The following SLCO6A1 variants were observed in gnomAD, a reference collection of about 807,000 sequenced individuals.
The protein encoded by SLCO6A1 is solute carrier organic anion transporter family member 6A1.
A neutral mutation model predicts 72.7 loss-of-function variants in SLCO6A1; 65 were observed. The ratio of observed to expected loss-of-function variants is 0.89; its 90% CI spans 0.73 to 1.10. SLCO6A1 has a LOEUF of 1.10. SLCO6A1 is among the 50% of genes least tolerant of loss of function. SLCO6A1 has a pLI of 0.00. For missense variants in SLCO6A1, 874 were observed against 872.6 expected, an observed-to-expected ratio of 1.00 and a Z score of -0.02; for synonymous variants, 314 against 298.2, an observed-to-expected ratio of 1.05 and a Z score of -0.55.
At chr5:102,491,628 C>T (rs1033853302) in intron 1 of SLCO6A1, among the ~76,000 whole-genome samples, 17 of 152,248 alleles carry the variant, frequency 1.1e-4, no homozygotes, top group African/African-American at 3.1e-4. Flanking sequence ...GCGGGTGGCC[C>T]GGTGGCTCCG....
chr5:102,446,174 T>G (rs1364979616), intron 6 of SLCO6A1, among the ~76,000 whole-genome samples: 1 of 152,236 alleles, frequency 6.6e-6, no homozygotes, highest in South Asian at 2.1e-4. Flanking sequence ...AATGGCCATT[T>G]TAACTATATT....
chr5:102,482,659 G>A (rs1752270135), intron 1 of SLCO6A1, among the ~76,000 whole-genome samples: 1 of 152,136 alleles, frequency 6.6e-6, no homozygotes, highest in Non-Finnish European at 1.5e-5. Context: ...TGAATTACAT[G>A]AACATGAACC....
intron 1 of SLCO6A1, among the ~76,000 whole-genome samples, chr5:102,495,130 C>T (rs1752849925): frequency 6.8e-6 from 1 of 147,388 alleles, no homozygotes; most frequent in Non-Finnish European, 1.5e-5. Flanking sequence ...TTAAAAGAAG[C>T]CAGAAACAAA....
intron 9 of SLCO6A1, among the ~76,000 whole-genome samples, chr5:102,407,577 T>G (rs899145286): frequency 7.9e-5 from 12 of 152,306 alleles, no homozygotes; most frequent in African/African-American, 2.4e-5. Context: ...CATAGTTTAC[T>G]TTAAGAAAGA....
At chr5:102,438,167 T>A (rs1199079948) in intron 7 of SLCO6A1, among the ~76,000 whole-genome samples, 1 of 151,748 alleles carries the variant, frequency 6.6e-6, no homozygotes, top group Admixed American at 6.6e-5. Context: ...TAAAATAGGA[T>A]CATAAAATAA....
At chr5:102,394,582 T>C (rs975787636) in intron 10 of SLCO6A1, among the ~76,000 whole-genome samples, 1 of 152,008 alleles carries the variant, frequency 6.6e-6, no homozygotes, top group Non-Finnish European at 1.5e-5. Context: ...TGAGAAGGAA[T>C]AGATTGGTTG....
chr5:102,389,653 A>G (rs1561420903), intron 11 of SLCO6A1, among the ~76,000 whole-genome samples: 1 of 152,088 alleles, frequency 6.6e-6, no homozygotes, highest in South Asian at 2.1e-4. Context: ...AGTTTAAAAA[A>G]CAATTGACTA....
chr5:102,424,248 A>G (rs4413509), intron 7 of SLCO6A1, among the ~76,000 whole-genome samples: 96,987 of 151,832 alleles, frequency 0.64, 31,169 homozygotes, highest in African/African-American at 0.66. Flanking sequence ...AAAAGCTAGC[A>G]GAAGACAAGA....
At chr5:102,464,240 G>A (rs1357215803) in intron 4 of SLCO6A1, among the ~76,000 whole-genome samples, 4 of 151,778 alleles carry the variant, frequency 2.6e-5, no homozygotes, top group South Asian at 2.1e-4. Context: ...CAAAGTTTAC[G>A]GAAAGAAAAA....
At chr5:102,393,082 T>C (rs1487610245) in intron 10 of SLCO6A1, among the ~76,000 whole-genome samples, 3 of 152,156 alleles carry the variant, frequency 2.0e-5, no homozygotes, top group Non-Finnish European at 4.4e-5. Context: ...CATATCTCTT[T>C]TTTTATCTCT....
At position 102,411,169 on chromosome 5, in the gene SLCO6A1, A is replaced by G. The variant is rs117824541; in HGVS notation, c.1626+1821T>C. ...TCAACTTTGCTATGGCAAGAGGTAG[A>G]TAAGAGTTCCCCACTGCTTTAAAAC... On this transcript the variant is annotated intron_variant, in intron 9 of 13. Coordinates refer to ENST00000506729, the MANE Select transcript of SLCO6A1 (RefSeq NM_173488.5). Among the ~76,000 whole-genome samples the G allele has an allele frequency of 1.2e-4, 19 of 152,256 alleles. No individual in the cohort carries two copies. In the East Asian group the frequency reaches 3.5e-3, roughly 28 times the overall value.
At chr5:102,449,873 T>G (rs1227567379) in intron 6 of SLCO6A1, among the ~76,000 whole-genome samples, 1 of 152,354 alleles carries the variant, frequency 6.6e-6, no homozygotes, top group East Asian at 1.9e-4. Context: ...TTTATTTTTG[T>G]CTGAGTTAAT....
At chr5:102,438,802 TTAGA>T (rs373799313) in intron 6 of SLCO6A1, 41 bp from the exon 7 acceptor site, 5 of 1,386,000 alleles carry the variant, frequency 3.6e-6, no homozygotes, top group African/African-American at 1.5e-5. Flanking sequence ...TTTTATTTTG[TTAGA>T]TAAAGAGGAA....
intron 12 of SLCO6A1, among the ~76,000 whole-genome samples, chr5:102,378,371 TA>T (rs1412390136): frequency 6.6e-6 from 1 of 152,104 alleles, no homozygotes; most frequent in East Asian, 1.9e-4. Flanking sequence ...GAGCTCAAGC[TA>T]TCTGCCCAAC....
At position 102,372,682 on chromosome 5, in the gene SLCO6A1, TA is replaced by T. The variant is rs1225479690; in HGVS notation, c.*16-560del. Among the ~76,000 whole-genome samples, 561 of 138,110 alleles carry T rather than the reference TA, an allele frequency of 4.1e-3. 4 individuals are homozygous for T. The highest frequency in any genetic ancestry group is 0.01 in the African/African-American group (387 of 37,962). The allele number at this position is 138,110 out of a possible 152,430, so 90.6% of individuals were successfully genotyped here. ...TTTATCAATAAAATCCAAGTGAAGGTAAAAAAAAAAAGGAAAAAGGTAACAA... is the reference window on the plus strand; with the variant it reads ...TTTATCAATAAAATCCAAGTGAAGGTAAAAAAAAAAGGAAAAAGGTAACAA... On this transcript the variant is annotated intron_variant, in intron 13 of 13. Coordinates refer to ENST00000506729, the MANE Select transcript of SLCO6A1 (RefSeq NM_173488.5).
chr5:102,429,392 G>C (rs535754497), intron 7 of SLCO6A1, among the ~76,000 whole-genome samples: 9 of 152,292 alleles, frequency 5.9e-5, no homozygotes, highest in African/African-American at 2.2e-4. Flanking sequence ...CCTATGTGCA[G>C]AATGGTATTC....
At chr5:102,430,285 T>C (rs1749142738) in intron 7 of SLCO6A1, among the ~76,000 whole-genome samples, 1 of 152,184 alleles carries the variant, frequency 6.6e-6, no homozygotes, top group Non-Finnish European at 1.5e-5. Flanking sequence ...TTTATGTAGA[T>C]GCCCTTCATT....
At chr5:102,486,263 A>G (rs1311003793) in intron 1 of SLCO6A1, among the ~76,000 whole-genome samples, 1 of 152,188 alleles carries the variant, frequency 6.6e-6, no homozygotes, top group African/African-American at 2.4e-5. Context: ...TTTCTAAAAT[A>G]AATCTTGTAT....
chr5:102,419,233 T>C (rs1011232887), intron 8 of SLCO6A1, among the ~76,000 whole-genome samples: 2 of 152,234 alleles, frequency 1.3e-5, no homozygotes, highest in Non-Finnish European at 2.9e-5. Flanking sequence ...TCAGCTTTTC[T>C]AGTTATTCTC....
Sources: allele counts gnomAD v4.1 joint callset (sites outside exome capture counted in the v4.1 genomes callset), GRCh38; gene constraint gnomAD v4.1.1; transcripts MANE v1.5; gene names NCBI Gene and HGNC (gene_info 2026-07-23, HGNC 2026-07-21).